Variants in PPARGC1A observed in about 807,000 individuals in gnomAD.
The protein encoded by PPARGC1A is peroxisome proliferator-activated receptor gamma coactivator 1-alpha.
In PPARGC1A, 25 loss-of-function variants were observed where a neutral mutation model predicts 88.7. The ratio of observed to expected loss-of-function variants is 0.28; its 90% CI spans 0.21 to 0.39. The LOEUF is 0.39. Ranked by LOEUF, PPARGC1A falls within the 10% of genes least tolerant of loss-of-function variation. PPARGC1A has a pLI of 1.00. For missense variants in PPARGC1A, 880 were observed against 968.7 expected (o/e 0.91, Z 1.22); for synonymous variants, 363 against 355.6 (o/e 1.02, Z -0.24).
chr4:24,258,124 T>G, the PPARGC1A span: 1 of 697,146 alleles, frequency 1.4e-6, no homozygotes, highest in Non-Finnish European at 1.8e-6. Context: ...ACAGATTTCC[T>G]GATATGGCAA....
the PPARGC1A span, among the ~76,000 whole-genome samples, chr4:24,246,750 G>A: frequency 6.6e-6 from 1 of 152,164 alleles, no homozygotes. Flanking sequence ...GTCACCCACG[G>A]AACCATCTTC....
the PPARGC1A span, among the ~76,000 whole-genome samples, chr4:23,915,498 T>C: frequency 6.6e-6 from 1 of 152,376 alleles, no homozygotes; most frequent in Admixed American, 6.5e-5. Flanking sequence ...GATTCTTTTC[T>C]ATTTTTCTTC....
chr4:24,153,145 C>T, the PPARGC1A span, among the ~76,000 whole-genome samples: 1 of 152,074 alleles, frequency 6.6e-6, no homozygotes, highest in African/African-American at 2.4e-5. Flanking sequence ...TATAGAGGAG[C>T]ATAGAGTGTT....
the PPARGC1A span, among the ~76,000 whole-genome samples, chr4:24,033,495 G>T: frequency 3.3e-5 from 5 of 152,158 alleles, no homozygotes; most frequent in African/African-American, 1.2e-4. Context: ...GTGGCACACA[G>T]GTGAAGTGTC....
At chr4:24,133,197 T>TGGTG in the PPARGC1A span, among the ~76,000 whole-genome samples, 1 of 151,966 alleles carries the variant, frequency 6.6e-6, no homozygotes, top group Non-Finnish European at 1.5e-5. Flanking sequence ...TGGGGGGTGG[T>TGGTG]GGTGGGGGGG....
At chr4:24,063,134 T>C in the PPARGC1A span, among the ~76,000 whole-genome samples, 1 of 152,134 alleles carries the variant, frequency 6.6e-6, no homozygotes, top group Non-Finnish European at 1.5e-5. Flanking sequence ...TAGACATCCT[T>C]CTCCCAAGTG....
intron 2 of PPARGC1A, chr4:23,882,931 C>A (rs576442691): frequency 6.6e-6 from 1 of 152,056 alleles, no homozygotes; most frequent in Non-Finnish European, 1.5e-5. Flanking sequence ...TGCCATCTCC[C>A]CTACCGCTAA....
chr4:24,048,489 C>A, the PPARGC1A span, among the ~76,000 whole-genome samples: 1 of 152,106 alleles, frequency 6.6e-6, no homozygotes, highest in South Asian at 2.1e-4. Context: ...CTTTAGTAAA[C>A]ACAGTTTATG....
the PPARGC1A span, among the ~76,000 whole-genome samples, chr4:23,971,811 C>T: frequency 7.9e-5 from 12 of 152,122 alleles, no homozygotes; most frequent in Non-Finnish European, 1.0e-4. Context: ...AGTTGACACT[C>T]GGTATTAACC....
the PPARGC1A span, among the ~76,000 whole-genome samples, chr4:24,296,065 T>C: frequency 6.6e-6 from 1 of 151,204 alleles, no homozygotes; most frequent in Non-Finnish European, 1.5e-5. Flanking sequence ...TATATATGTG[T>C]ATATGTATAT....
chr4:24,232,493 T>C, the PPARGC1A span, among the ~76,000 whole-genome samples: 2 of 152,210 alleles, frequency 1.3e-5, no homozygotes, highest in African/African-American at 4.8e-5. Context: ...ACTTGACCTT[T>C]TTAAGAAACA....
chr4:24,049,184 GTC>G, the PPARGC1A span, among the ~76,000 whole-genome samples: 2 of 147,848 alleles, frequency 1.4e-5, no homozygotes, highest in Middle Eastern at 3.6e-3. Context: ...GAGAGAGACT[GTC>G]TCTCTCTATA....
chr4:24,087,736 G>A, the PPARGC1A span, among the ~76,000 whole-genome samples: 98 of 152,304 alleles, frequency 6.4e-4, no homozygotes, highest in East Asian at 0.017. Context: ...TGGGCTATGG[G>A]GGACAGGGGC....
upstream of PPARGC1A, chr4:23,903,946 A>G (rs1719736135): frequency 1.3e-6 from 1 of 794,098 alleles, no homozygotes; most frequent in Admixed American, 6.2e-5. Context: ...CCACCTACCA[A>G]TAGCATAAAG....
the PPARGC1A span, among the ~76,000 whole-genome samples, chr4:23,918,394 G>C: frequency 2.0e-5 from 3 of 151,846 alleles, no homozygotes; most frequent in Non-Finnish European, 4.4e-5. Context: ...GCTAATTTTT[G>C]CATTTTTAGT....
the PPARGC1A span, among the ~76,000 whole-genome samples, chr4:24,381,209 G>A: frequency 3.3e-5 from 5 of 152,222 alleles, no homozygotes; most frequent in South Asian, 4.1e-4. Context: ...GGTAAGATAC[G>A]GGCCAAAATG....
At chr4:24,379,165 C>T in the PPARGC1A span, among the ~76,000 whole-genome samples, 2 of 152,038 alleles carry the variant, frequency 1.3e-5, no homozygotes, top group South Asian at 2.1e-4. Context: ...TAAATTATCG[C>T]ATGTCTATAT....
At chr4:24,050,736 T>C in the PPARGC1A span, among the ~76,000 whole-genome samples, 1 of 152,238 alleles carries the variant, frequency 6.6e-6, no homozygotes, top group Admixed American at 6.5e-5. Context: ...TCTTCAGTAC[T>C]GTGGAATCTA....
the PPARGC1A span, among the ~76,000 whole-genome samples, chr4:24,428,614 C>T: frequency 6.6e-6 from 1 of 152,296 alleles, no homozygotes; most frequent in South Asian, 2.1e-4. Flanking sequence ...CCTTCAGAAA[C>T]AAGTGTTCTC....
Sources: gnomAD v4.1 joint callset for allele counts (sites outside exome capture counted in the v4.1 genomes callset) on GRCh38, gnomAD v4.1.1 for gene constraint, MANE v1.5 for transcripts, NCBI Gene and HGNC (gene_info 2026-07-23, HGNC 2026-07-21) for gene names.